The following EEIG2 variants were observed in gnomAD, a reference collection of about 807,000 sequenced individuals.
EEIG2 encodes family with sequence similarity 102 member B.
chr1:108,632,947 T>C, the EEIG2 span, among the ~76,000 whole-genome samples: 3 of 538 alleles, frequency 5.6e-3, no homozygotes, highest in Non-Finnish European at 0.019. Context: ...ATGCCCAGCA[T>C]TTTTTTTTTT....
the EEIG2 span, among the ~76,000 whole-genome samples, chr1:108,632,878 G>C: frequency 6.6e-6 from 1 of 151,628 alleles, no homozygotes; most frequent in South Asian, 2.1e-4. Context: ...TCAGCTCACT[G>C]CAGCCTTCAA....
At chr1:108,621,923 G>A in the EEIG2 span, among the ~76,000 whole-genome samples, 6 of 152,194 alleles carry the variant, frequency 3.9e-5, no homozygotes, top group Middle Eastern at 3.4e-3. Context: ...TTGGGAGGCC[G>A]AGGTGGATGG....
the EEIG2 span, chr1:108,612,146 G>A: frequency 1.4e-6 from 2 of 1,450,958 alleles, no homozygotes; most frequent in Non-Finnish European, 1.9e-6. Context: ...CTACTAGATA[G>A]TCTATTAATA....
At chr1:108,564,424 A>T in the EEIG2 span, among the ~76,000 whole-genome samples, 1 of 152,152 alleles carries the variant, frequency 6.6e-6, no homozygotes, top group Non-Finnish European at 1.5e-5. Context: ...AAGTCAGGAA[A>T]ATTATTTGTT....
the EEIG2 span, among the ~76,000 whole-genome samples, chr1:108,570,325 T>C: frequency 6.6e-6 from 1 of 152,002 alleles, no homozygotes; most frequent in East Asian, 1.9e-4. Context: ...TGCTGCCACA[T>C]AGAGGAAGGG....
chr1:108,600,498 T>C, the EEIG2 span: 7 of 1,549,946 alleles, frequency 4.5e-6, no homozygotes, highest in African/African-American at 6.8e-5. Context: ...TGAGTGAAAG[T>C]ATGGGTGTGC....
At chr1:108,564,614 T>C in the EEIG2 span, among the ~76,000 whole-genome samples, 7 of 152,162 alleles carry the variant, frequency 4.6e-5, no homozygotes, top group African/African-American at 1.7e-4. Context: ...TTATTTAGAA[T>C]TTCCTTACAT....
the EEIG2 span, among the ~76,000 whole-genome samples, chr1:108,584,393 A>G: frequency 6.6e-6 from 1 of 152,128 alleles, no homozygotes; most frequent in Non-Finnish European, 1.5e-5. Flanking sequence ...GACTTTTCCT[A>G]ATCAAATGCT....
At chr1:108,567,196 G>C in the EEIG2 span, among the ~76,000 whole-genome samples, 1 of 151,996 alleles carries the variant, frequency 6.6e-6, no homozygotes, top group African/African-American at 2.4e-5. Flanking sequence ...CTTATACCCT[G>C]ACCAGAAATG....
the EEIG2 span, among the ~76,000 whole-genome samples, chr1:108,603,320 A>G: frequency 6.6e-6 from 1 of 152,220 alleles, no homozygotes; most frequent in African/African-American, 2.4e-5. Flanking sequence ...ACAGGTCTAA[A>G]GGAACAAAAA....
At chr1:108,593,289 C>T in the EEIG2 span, among the ~76,000 whole-genome samples, 3 of 152,220 alleles carry the variant, frequency 2.0e-5, no homozygotes, top group Non-Finnish European at 1.5e-5. Context: ...AGGGTAACCT[C>T]GAGGTCCAAA....
the EEIG2 span, among the ~76,000 whole-genome samples, chr1:108,573,788 C>G: frequency 6.6e-6 from 1 of 152,172 alleles, no homozygotes; most frequent in Non-Finnish European, 1.5e-5. Context: ...TACAGCATCA[C>G]TTATCATTAG....
At chr1:108,604,381 A>G in the EEIG2 span, among the ~76,000 whole-genome samples, 1 of 152,228 alleles carries the variant, frequency 6.6e-6, no homozygotes, top group African/African-American at 2.4e-5. Flanking sequence ...AGAAGTGCTT[A>G]TGTTTTGAAT....
the EEIG2 span, among the ~76,000 whole-genome samples, chr1:108,599,489 A>AC: frequency 5.3e-5 from 8 of 151,724 alleles, no homozygotes; most frequent in South Asian, 4.2e-4. Context: ...AAGGCTGAGC[A>AC]CCCCCCCACC....
the EEIG2 span, among the ~76,000 whole-genome samples, chr1:108,604,865 CAAAAAAA>C: frequency 3.4e-5 from 3 of 88,218 alleles, no homozygotes; most frequent in East Asian, 6.2e-4. Context: ...CCCACCTCTC[CAAAAAAA>C]AAAAAAAAAG....
At chr1:108,624,962 C>G in the EEIG2 span, 2 of 508,690 alleles carry the variant, frequency 3.9e-6, no homozygotes, top group Non-Finnish European at 7.1e-6. Flanking sequence ...ACACTCTCCT[C>G]ACTGTATGCA....
chr1:108,595,195 A>G, the EEIG2 span, among the ~76,000 whole-genome samples: 2 of 151,660 alleles, frequency 1.3e-5, no homozygotes, highest in Admixed American at 6.6e-5. Flanking sequence ...TGTGACAGTC[A>G]TGCTGCTGTA....
At chr1:108,605,524 A>C in the EEIG2 span, among the ~76,000 whole-genome samples, 5 of 152,312 alleles carry the variant, frequency 3.3e-5, no homozygotes, top group South Asian at 8.3e-4. Flanking sequence ...TTTTAAAAGT[A>C]GGTAGGGAGT....
the EEIG2 span, among the ~76,000 whole-genome samples, chr1:108,568,390 A>G: frequency 5.9e-5 from 9 of 152,330 alleles, no homozygotes; most frequent in East Asian, 1.7e-3. Flanking sequence ...TGGAGGTCCA[A>G]GGAAGATATT....
Sources: allele counts gnomAD v4.1 joint callset (sites outside exome capture counted in the v4.1 genomes callset), GRCh38; gene constraint gnomAD v4.1.1; transcripts MANE v1.5; gene names NCBI Gene and HGNC (gene_info 2026-07-23, HGNC 2026-07-21).